The following WARS2 variants were observed in gnomAD, a reference collection of about 807,000 sequenced individuals.
WARS2 encodes the protein tryptophan--tRNA ligase, mitochondrial.
WARS2 carries 28 observed loss-of-function variants against 36.5 expected under a neutral mutation model. That is an observed-to-expected ratio of 0.77 (90% confidence interval 0.57 to 1.05). WARS2 has a LOEUF of 1.05. Ranked by LOEUF, WARS2 falls within the 50% of genes least tolerant of loss-of-function variation. WARS2 has a pLI of 0.00. For synonymous variants in WARS2, 174 were observed against 178.4 expected (o/e 0.98, Z 0.20); for missense variants, 435 against 456.8 (o/e 0.95, Z 0.44).
At chr1:119,077,774 T>A (rs587773249) in intron 1 of WARS2, among the ~76,000 whole-genome samples, 98 of 151,926 alleles carry the variant, frequency 6.5e-4, no homozygotes, top group Middle Eastern at 3.4e-3. Flanking sequence ...CAATACAAAG[T>A]AAAAAAAATT....
chr1:119,075,459 C>T (rs1457073785), intron 2 of WARS2, among the ~76,000 whole-genome samples: 4 of 152,080 alleles, frequency 2.6e-5, no homozygotes, highest in Non-Finnish European at 5.9e-5. Context: ...ATACTCTTTT[C>T]GTTTATCACA....
intron 1 of WARS2, among the ~76,000 whole-genome samples, chr1:119,118,265 AT>A (rs1655103868): frequency 1.3e-5 from 2 of 152,084 alleles, no homozygotes; most frequent in Non-Finnish European, 2.9e-5. Flanking sequence ...TAAAAGACAC[AT>A]TTAGAGAAAA....
intron 1 of WARS2, among the ~76,000 whole-genome samples, chr1:119,084,330 A>T (rs1369953599): frequency 6.6e-6 from 1 of 152,120 alleles, no homozygotes; most frequent in East Asian, 1.9e-4. Flanking sequence ...TTTTGGGATG[A>T]TAAAAAATGT....
rs1571323203 is a variant in WARS2, at chr1:119,076,549, C to T, written c.149G>A (p.Gly50Asp). 6.2e-7 allele frequency: 1 copy of T among 1,614,116 alleles called. No homozygotes were observed. The highest frequency in any genetic ancestry group is 8.5e-7 in the Non-Finnish European group (1 of 1,180,022). ...GIQPTGILHL[G>D]NYLGAIESWV... ...GCTCTCAATGGCTCCCAGGTAATTG[C>T]CCAGGTGGAGGATTCCTGTAGGTTG... is the stretch of plus-strand genomic sequence containing the variant. The change falls in exon 2 of 6, where the codon GGC (glycine) becomes GAC (aspartate). Residue 50 changes from glycine (G) to aspartate (D), a missense_variant. By Grantham distance (94) the Gly-to-Asp change is moderately conservative. Coordinates refer to ENST00000235521, the MANE Select transcript of WARS2 (RefSeq NM_015836.4).
At chr1:119,120,808 A>G (rs919673466) in intron 1 of WARS2, among the ~76,000 whole-genome samples, 8 of 152,158 alleles carry the variant, frequency 5.3e-5, no homozygotes, top group Admixed American at 2.0e-4. Flanking sequence ...TGATCATCTC[A>G]ACAGATGCAG....
At chr1:119,115,973 C>T (rs149692012) in intron 1 of WARS2, among the ~76,000 whole-genome samples, 1 of 152,210 alleles carries the variant, frequency 6.6e-6, no homozygotes, top group African/African-American at 2.4e-5. Flanking sequence ...ACTCTCACAC[C>T]CTCACTAAAG....
In WARS2 at chr1:119,113,350, T is replaced by C. The variant is rs139169621; in HGVS notation, c.90+27205A>G. ...ATATGCCCAAGCAGGTGAAACCTAT[T>C]GTCTGAGCCCAGGTCATGTGCCTTT... On this transcript the variant is annotated intron_variant, in intron 1 of 5. Coordinates refer to ENST00000235521, the MANE Select transcript of WARS2 (RefSeq NM_015836.4). Among the ~76,000 whole-genome samples, 53 of 152,240 alleles carry C rather than the reference T, an allele frequency of 3.5e-4. No homozygotes were observed. The East Asian group carries it at 3.9e-3, about 11-fold the overall frequency.
At chr1:119,056,594 T>C (rs1649835855) in intron 2 of WARS2, among the ~76,000 whole-genome samples, 2 of 149,756 alleles carry the variant, frequency 1.3e-5, no homozygotes, top group Admixed American at 1.3e-4. Context: ...CAGTGAGGCA[T>C]ACTTTATAAA....
At chr1:119,084,404 A>C (rs1262844778) in intron 1 of WARS2, among the ~76,000 whole-genome samples, 1 of 152,204 alleles carries the variant, frequency 6.6e-6, no homozygotes, top group African/African-American at 2.4e-5. Context: ...AATGTCACTG[A>C]ATTGTTCCCT....
chr1:119,036,099 G>A (rs905997321), intron 4 of WARS2, among the ~76,000 whole-genome samples: 7 of 152,176 alleles, frequency 4.6e-5, no homozygotes, highest in Non-Finnish European at 5.9e-5. Context: ...AGGTACTCCG[G>A]AGGCTGAGGC....
At chr1:119,096,959 T>C (rs1421156773) in intron 1 of WARS2, among the ~76,000 whole-genome samples, 1 of 152,204 alleles carries the variant, frequency 6.6e-6, no homozygotes, top group Non-Finnish European at 1.5e-5. Flanking sequence ...TTGCCTCAAC[T>C]GGTAAACTCC....
intron 1 of WARS2, among the ~76,000 whole-genome samples, chr1:119,089,730 C>T (rs1306591378): frequency 6.6e-6 from 1 of 152,008 alleles, no homozygotes; most frequent in Non-Finnish European, 1.5e-5. Context: ...TCTGGTGTTC[C>T]CCCTGATCAT....
At chr1:119,111,358 G>A (rs904333985) in intron 1 of WARS2, among the ~76,000 whole-genome samples, 6 of 152,116 alleles carry the variant, frequency 3.9e-5, no homozygotes, top group East Asian at 3.9e-4. Flanking sequence ...TGTGAAATTC[G>A]CAAGTGCTTT....
At chr1:119,138,062 C>T (rs145184120) in intron 1 of WARS2, among the ~76,000 whole-genome samples, 8 of 152,222 alleles carry the variant, frequency 5.3e-5, no homozygotes, top group Admixed American at 5.2e-4. Context: ...ACTAACTTGG[C>T]TATTTCTTGG....
chr1:119,126,899 T>G (rs1050878082), intron 1 of WARS2: 26 of 799,258 alleles, frequency 3.3e-5, no homozygotes, highest in African/African-American at 3.0e-4. Flanking sequence ...GATTGTTGCA[T>G]TTTTTAGTAA....
intron 5 of WARS2, among the ~76,000 whole-genome samples, 175 bp downstream of exon 5, chr1:119,033,920 C>A (rs202201069): frequency 6.6e-6 from 1 of 152,126 alleles, no homozygotes; most frequent in African/African-American, 2.4e-5. Flanking sequence ...AGGAATCCAA[C>A]GTAGTCTACT....
intron 1 of WARS2, among the ~76,000 whole-genome samples, chr1:119,080,765 G>A (rs954247098): frequency 3.3e-5 from 5 of 152,128 alleles, no homozygotes; most frequent in African/African-American, 1.2e-4. Context: ...GGAGGATGGG[G>A]GTTCTGTGTT....
At chr1:119,130,908 C>G (rs1221075652) in intron 1 of WARS2, among the ~76,000 whole-genome samples, 1 of 152,162 alleles carries the variant, frequency 6.6e-6, no homozygotes, top group East Asian at 1.9e-4. Context: ...AACATACTGC[C>G]TGGTGAGGTC....
At chr1:119,102,738 C>T (rs1443471690) in intron 1 of WARS2, among the ~76,000 whole-genome samples, 1 of 152,180 alleles carries the variant, frequency 6.6e-6, no homozygotes. Context: ...TTAATCTCTC[C>T]ACAATCTGCT....
Sources: gnomAD v4.1 joint callset for allele counts (sites outside exome capture counted in the v4.1 genomes callset) on GRCh38, gnomAD v4.1.1 for gene constraint, MANE v1.5 for transcripts, NCBI Gene and HGNC (gene_info 2026-07-23, HGNC 2026-07-21) for gene names.